The following TNC variants were observed in gnomAD, a reference collection of about 807,000 sequenced individuals.
TNC encodes the protein tenascin.
TNC carries 109 observed loss-of-function variants against 202.4 expected under a neutral mutation model. The observed-to-expected ratio is 0.54, with a 90% CI of 0.46 to 0.63. TNC has a LOEUF of 0.63. TNC is among the 30% of genes least tolerant of loss of function. The probability of loss-of-function intolerance (pLI) is 0.00; values close to 1 mark genes in which losing one functional copy is unlikely to be tolerated. For missense variants in TNC, 2,756 were observed against 2,833.3 expected (o/e 0.97, Z 0.62); for synonymous variants, 1,007 against 1,089.7 (o/e 0.92, Z 1.50).
At position 115,063,789 on chromosome 9, in the gene TNC, A is replaced by G; in HGVS notation, c.3760+7T>C. On this transcript the variant is annotated splice_region_variant and intron_variant, in intron 12 of 27. Coordinates refer to ENST00000350763, the MANE Select transcript of TNC (RefSeq NM_002160.4). The stretch of plus-strand genomic sequence containing the variant: ...AGGAAGTGAATTAGTGAATTCGTCT[A>G]GAATACCTGTCAAGACTTCAACAGA... 6.2e-7 allele frequency: 1 copy of G among 1,606,194 alleles called. No homozygotes were observed.
At chr9:115,049,195 T>C (rs1170769476) in intron 15 of TNC, among the ~76,000 whole-genome samples, 3 of 152,162 alleles carry the variant, frequency 2.0e-5, no homozygotes, top group Non-Finnish European at 4.4e-5. Flanking sequence ...ATCTGGGTCT[T>C]AGTAAATTCT....
chr9:115,081,885 G>T lies in TNC; in HGVS notation c.2291C>A (p.Pro764Gln). 1 of 1,597,198 alleles carries T rather than the reference G, an allele frequency of 6.3e-7. No homozygotes were observed. The highest frequency in any genetic ancestry group is 8.5e-7 in the Non-Finnish European group (1 of 1,175,888). ...EGEITKSLRR[P>Q]ETSYRQTGLA... ...ACCAGTTTGCCGGTAAGAGGTCTCT[G>T]GCCTCCTCAGGCTTTTGGTGATCTC... is the stretch of plus-strand genomic sequence containing the variant. Residue 764 changes from proline (P) to glutamine (Q), a missense_variant, in exon 6 of 28, where the codon CCA (proline) becomes CAA (glutamine). Pro to Gln is a moderately conservative substitution (Grantham distance 76, BLOSUM62 -1). Coordinates refer to ENST00000350763, the MANE Select transcript of TNC (RefSeq NM_002160.4).
intron 25 of TNC, among the ~76,000 whole-genome samples, chr9:115,027,802 G>A (rs1202549619): frequency 1.3e-5 from 2 of 152,128 alleles, no homozygotes; most frequent in African/African-American, 4.8e-5. Context: ...TGACTTAGGA[G>A]ATTCCAAATT....
chr9:115,077,278 A>G (rs546831957), intron 7 of TNC, among the ~76,000 whole-genome samples: 101 of 151,714 alleles, frequency 6.7e-4, no homozygotes, highest in Middle Eastern at 3.4e-3. Flanking sequence ...GAATGGTCTC[A>G]ATCTCCTGAC....
chr9:115,089,596 T>C (rs1835060397), intron 2 of TNC, among the ~76,000 whole-genome samples: 1 of 151,938 alleles, frequency 6.6e-6, no homozygotes, highest in Non-Finnish European at 1.5e-5. Context: ...TGCCCCTCGG[T>C]TTCAAGTGAT....
chr9:115,068,312 A>G (rs1422440245), intron 10 of TNC, among the ~76,000 whole-genome samples: 1 of 152,162 alleles, frequency 6.6e-6, no homozygotes, highest in Non-Finnish European at 1.5e-5. Flanking sequence ...TTTGAAACCC[A>G]TTGCTGTGCT....
chr9:115,044,835 C>T (rs1371156526), intron 17 of TNC, among the ~76,000 whole-genome samples: 5 of 152,096 alleles, frequency 3.3e-5, no homozygotes, highest in Non-Finnish European at 7.4e-5. Context: ...TTTCTCCAAG[C>T]CTACAAATAC....
At chr9:115,104,383 T>A (rs1175723845) in intron 1 of TNC, among the ~76,000 whole-genome samples, 1 of 152,180 alleles carries the variant, frequency 6.6e-6, no homozygotes, top group Non-Finnish European at 1.5e-5. Flanking sequence ...TGTGAGATGG[T>A]TGCCTTTGTG....
At chr9:115,046,802 G>C (rs1831236907) in intron 16 of TNC, 120 bp from the exon 17 acceptor site, 1 of 1,176,540 alleles carries the variant, frequency 8.5e-7, no homozygotes, top group Non-Finnish European at 1.2e-6. Flanking sequence ...AGAGATAGAA[G>C]TGTCCTGAGA....
At chr9:115,055,420 G>C (rs762682893) in intron 15 of TNC, 1 of 152,566 alleles carries the variant, frequency 6.6e-6, no homozygotes, top group Non-Finnish European at 1.5e-5. Context: ...GGTGATTTTT[G>C]GAAAGCTATT....
At chr9:115,078,992 T>A (rs905637623) in intron 6 of TNC, among the ~76,000 whole-genome samples, 1 of 152,220 alleles carries the variant, frequency 6.6e-6, no homozygotes, top group Non-Finnish European at 1.5e-5. Flanking sequence ...AGCCTTTTTT[T>A]AACCCGGCTT....
intron 17 of TNC, 52 bp from the exon 18 acceptor site, chr9:115,042,393 C>T: frequency 6.3e-7 from 1 of 1,597,806 alleles, no homozygotes; most frequent in South Asian, 1.1e-5. Flanking sequence ...CTGTCTTGTT[C>T]ATCAATGGTT....
intron 13 of TNC, among the ~76,000 whole-genome samples, chr9:115,061,581 T>C (rs944224): frequency 2.9e-4 from 44 of 152,300 alleles, no homozygotes; most frequent in African/African-American, 9.6e-4. Context: ...GGCCCCCTTA[T>C]TTTTGGAATT....
intron 1 of TNC, among the ~76,000 whole-genome samples, chr9:115,100,344 C>G (rs957134551): frequency 1.1e-4 from 16 of 152,142 alleles, no homozygotes; most frequent in African/African-American, 3.6e-4. Context: ...CACAGCTAAT[C>G]GATAACAACA....
intron 14 of TNC, among the ~76,000 whole-genome samples, chr9:115,058,933 C>G (rs1832336004): frequency 6.6e-6 from 1 of 152,152 alleles, no homozygotes; most frequent in African/African-American, 2.4e-5. Flanking sequence ...CCTCCTGGGT[C>G]TGGGGCTGGG....
rs192420506 is a variant in TNC at position 115,103,278 on chromosome 9, C to T, written c.-136-12124G>A. On this transcript the variant is annotated intron_variant, in intron 1 of 27. Transcript: ENST00000350763. ...GGTGGAATTGGCCAGGCCTAAGATGCACTCAGCATGAAAATTTGGTTTTGG... is the reference window on the plus strand; with the variant it reads ...GGTGGAATTGGCCAGGCCTAAGATGTACTCAGCATGAAAATTTGGTTTTGG... 9.1e-3 allele frequency among the ~76,000 whole-genome samples: 1,388 copies of T among 152,278 alleles called. 8 individuals are homozygous for T. The highest frequency in any genetic ancestry group is 0.015 in the Non-Finnish European group (1,046 of 68,014).
At position 115,038,343 on chromosome 9, in the gene TNC, G is replaced by A. The variant is rs1165582576; in HGVS notation, c.5430C>T (p.Ile1810=). The A allele has an allele frequency of 6.2e-7, 1 of 1,614,194 alleles. No homozygotes were observed. The highest frequency in any genetic ancestry group is 8.5e-7 in the Non-Finnish European group (1 of 1,180,010). The part of the protein sequence containing the change: ...DGPSGLVTAN[I]TDSEALARWQ... ...ACCTGGCCAAGGCTTCTGAGTCAGT[G>A]ATGTTGGCTGTCACCAGGCCAGATG... The change falls in exon 20 of 28, where the codon ATC becomes ATT. Residue 1810 remains isoleucine (I), a synonymous_variant. Transcript: ENST00000350763.
chr9:115,031,079 T>G (rs114469142), intron 23 of TNC, among the ~76,000 whole-genome samples: 2,946 of 152,266 alleles, frequency 0.019, 111 homozygotes, highest in African/African-American at 0.066. Flanking sequence ...TGATTTTGAA[T>G]GTGGACAGGT....
chr9:115,037,927 G>C (rs1830453128), intron 20 of TNC, among the ~76,000 whole-genome samples: 1 of 152,210 alleles, frequency 6.6e-6, no homozygotes, highest in Admixed American at 6.5e-5. Context: ...GTCTGGTTAA[G>C]ATTTTAGATT....
Sources: allele counts gnomAD v4.1 joint callset (sites outside exome capture counted in the v4.1 genomes callset), GRCh38; gene constraint gnomAD v4.1.1; transcripts MANE v1.5; gene names NCBI Gene and HGNC (gene_info 2026-07-23, HGNC 2026-07-21).